Variants in MARK1 observed in about 807,000 individuals in gnomAD.
The protein encoded by MARK1 is microtubule affinity regulating kinase 1, also known as serine/threonine-protein kinase MARK1.
Under a neutral mutation model 96.3 loss-of-function variants are expected in MARK1, and 40 were observed. That is an observed-to-expected ratio of 0.42 (90% CI 0.32 to 0.54). The LOEUF (loss-of-function observed/expected upper bound fraction) is 0.54, where lower values mean the gene tolerates loss of function less well. Ranked by LOEUF, MARK1 falls within the 20% of genes least tolerant of loss-of-function variation. The probability of loss-of-function intolerance (pLI) is 0.16; values close to 1 mark genes in which losing one functional copy is unlikely to be tolerated. For synonymous variants in MARK1, 317 were observed against 341.2 expected (o/e 0.93, Z 0.78); for missense variants, 719 against 984.6 (o/e 0.73, Z 3.61).
chr1:220,600,003 G>A, intron 5 of MARK1, 140 bp downstream of exon 5: 1 of 492,420 alleles, frequency 2.0e-6, no homozygotes, highest in South Asian at 6.2e-5. Context: ...TACATCTTAA[G>A]GAAAATTCAG....
At chr1:220,636,240 A>G (rs1667959643) in intron 13 of MARK1, among the ~76,000 whole-genome samples, 1 of 152,212 alleles carries the variant, frequency 6.6e-6, no homozygotes, top group African/African-American at 2.4e-5. Context: ...TAACCTCAAC[A>G]CAAAATGGTA....
At chr1:220,621,049 T>C (rs1158536620) in intron 9 of MARK1, among the ~76,000 whole-genome samples, 1 of 152,118 alleles carries the variant, frequency 6.6e-6, no homozygotes, top group Non-Finnish European at 1.5e-5. Flanking sequence ...TTTAAAGCTA[T>C]TTTCAAAATA....
chr1:220,652,513 A>G (rs981238509), intron 15 of MARK1, among the ~76,000 whole-genome samples: 5 of 152,218 alleles, frequency 3.3e-5, no homozygotes, highest in African/African-American at 9.6e-5. Flanking sequence ...ATCAGGCTCA[A>G]TTCCTTGTTC....
chr1:220,614,732 A>G (rs1666644376), intron 6 of MARK1, among the ~76,000 whole-genome samples: 1 of 152,122 alleles, frequency 6.6e-6, no homozygotes, highest in African/African-American at 2.4e-5. Context: ...CATAGCAGGT[A>G]CTCAATAAAC....
At chr1:220,573,455 C>T (rs545110167) in intron 1 of MARK1, among the ~76,000 whole-genome samples, 31 of 152,184 alleles carry the variant, frequency 2.0e-4, no homozygotes, top group Middle Eastern at 6.8e-3. Context: ...TCCTGAGTAG[C>T]GGGGACTACA....
intron 1 of MARK1, among the ~76,000 whole-genome samples, chr1:220,541,712 G>A (rs143811267): frequency 6.6e-6 from 1 of 152,268 alleles, no homozygotes; most frequent in Non-Finnish European, 1.5e-5. Flanking sequence ...TCTGATGTAA[G>A]TTTGGCTACC....
intron 5 of MARK1, among the ~76,000 whole-genome samples, chr1:220,603,470 G>A (rs934578632): frequency 6.6e-6 from 1 of 152,008 alleles, no homozygotes; most frequent in Admixed American, 6.6e-5. Flanking sequence ...CAGTTCAGCT[G>A]GGGTATTAGA....
intron 3 of MARK1, among the ~76,000 whole-genome samples, chr1:220,583,252 G>T (rs908046764): frequency 6.6e-6 from 1 of 152,104 alleles, no homozygotes; most frequent in African/African-American, 2.4e-5. Flanking sequence ...AATTTGTTCT[G>T]GTTTGATCTG....
At chr1:220,613,999 C>CTGTT (rs925303142) in intron 6 of MARK1, among the ~76,000 whole-genome samples, 7 of 151,586 alleles carry the variant, frequency 4.6e-5, no homozygotes, top group East Asian at 1.9e-4. Context: ...GTCGGTTGGT[C>CTGTT]TGTTTGTTTG....
intron 1 of MARK1, among the ~76,000 whole-genome samples, chr1:220,568,287 A>G (rs1318906321): frequency 6.6e-6 from 1 of 152,150 alleles, no homozygotes; most frequent in East Asian, 1.9e-4. Flanking sequence ...CACTGCAAAG[A>G]TGAGATTTAA....
intron 9 of MARK1, among the ~76,000 whole-genome samples, chr1:220,628,570 G>C (rs531152756): frequency 1.3e-5 from 2 of 152,168 alleles, no homozygotes; most frequent in Non-Finnish European, 2.9e-5. Context: ...TGCTGTGCGG[G>C]TTTTTCTTCT....
rs566969466 is a variant in MARK1, at chr1:220,561,336, G to T, written c.52-18018G>T. ...TTTGAATACAGCCCAACACAAATTTGTAAACTTTCTTAAAACATTACGAGA... is the reference window on the plus strand; with the variant it reads ...TTTGAATACAGCCCAACACAAATTTTTAAACTTTCTTAAAACATTACGAGA... On this transcript the variant is annotated intron_variant, in intron 1 of 17. Transcript: ENST00000366917. 4.4e-4 allele frequency among the ~76,000 whole-genome samples: 67 copies of T among 152,160 alleles called. 2 individuals are homozygous for T. In the South Asian group the frequency reaches 0.014, roughly 32 times the overall value.
At chr1:220,626,533 G>A in intron 9 of MARK1, 1 of 502,620 alleles carries the variant, frequency 2.0e-6, no homozygotes. Flanking sequence ...GATCATCAAA[G>A]CACATGCTGG....
intron 1 of MARK1, among the ~76,000 whole-genome samples, chr1:220,547,641 T>C (rs1055592156): frequency 6.6e-6 from 1 of 152,242 alleles, no homozygotes; most frequent in South Asian, 2.1e-4. Flanking sequence ...CTCAGCTCAC[T>C]GCAAGCTCCA....
chr1:220,604,257 A>G, intron 6 of MARK1, 120 bp downstream of exon 6: 1 of 530,656 alleles, frequency 1.9e-6, no homozygotes, highest in East Asian at 3.2e-5. Flanking sequence ...CTGCTTTCTT[A>G]TATTTTTAAG....
intron 1 of MARK1, among the ~76,000 whole-genome samples, chr1:220,557,618 A>G (rs974669345): frequency 4.6e-5 from 7 of 152,134 alleles, no homozygotes; most frequent in South Asian, 4.2e-4. Context: ...TTTTCTACCT[A>G]TGTACTCTTA....
intron 5 of MARK1, among the ~76,000 whole-genome samples, chr1:220,603,586 T>G (rs900523236): frequency 3.9e-5 from 6 of 151,960 alleles, no homozygotes; most frequent in African/African-American, 1.4e-4. Context: ...AGGAAAGAAA[T>G]AAATCAATGT....
chr1:220,539,627 G>A (rs1375257054), intron 1 of MARK1, among the ~76,000 whole-genome samples: 1 of 152,144 alleles, frequency 6.6e-6, no homozygotes, highest in African/African-American at 2.4e-5. Context: ...CTATTGAGAT[G>A]ATCAGGCAAT....
At chr1:220,568,217 TAAAC>T (rs1416646824) in intron 1 of MARK1, among the ~76,000 whole-genome samples, 2 of 152,112 alleles carry the variant, frequency 1.3e-5, no homozygotes, top group Non-Finnish European at 2.9e-5. Context: ...AAAACACTAA[TAAAC>T]AATCAATCAG....
Sources: allele counts gnomAD v4.1 joint callset (sites outside exome capture counted in the v4.1 genomes callset), GRCh38; gene constraint gnomAD v4.1.1; transcripts MANE v1.5; gene names NCBI Gene and HGNC (gene_info 2026-07-23, HGNC 2026-07-21).